The following EXOC6 variants were observed in gnomAD, a reference collection of about 807,000 sequenced individuals.
EXOC6 encodes exocyst complex component 6, also known as SEC15-like 1.
In EXOC6, 60 loss-of-function variants were observed where a neutral mutation model predicts 112.5. The observed-to-expected ratio is 0.53, with a 90% CI of 0.43 to 0.66. EXOC6 has a LOEUF of 0.66. EXOC6 is among the 30% of genes least tolerant of loss of function. The probability of loss-of-function intolerance (pLI) is 0.00; values close to 1 mark genes in which losing one functional copy is unlikely to be tolerated. For synonymous variants in EXOC6, 295 were observed against 308.0 expected (o/e 0.96, Z 0.44); for missense variants, 855 against 957.1 (o/e 0.89, Z 1.41).
intron 19 of EXOC6, among the ~76,000 whole-genome samples, chr10:93,002,142 C>G (rs1017691253): frequency 1.3e-5 from 2 of 152,242 alleles, no homozygotes; most frequent in African/African-American, 2.4e-5. Flanking sequence ...ATTCCTCCCC[C>G]CCTTTTTTGG....
chr10:92,831,532 C>T (rs923002456), upstream of EXOC6, among the ~76,000 whole-genome samples: 9 of 152,114 alleles, frequency 5.9e-5, no homozygotes, highest in Non-Finnish European at 1.2e-4. Flanking sequence ...CTGCCGGGTT[C>T]AAGCAATTCT....
At chr10:92,993,474 A>G (rs1461320221) in intron 18 of EXOC6, among the ~76,000 whole-genome samples, 1 of 152,158 alleles carries the variant, frequency 6.6e-6, no homozygotes, top group Non-Finnish European at 1.5e-5. Flanking sequence ...ACCTTTTTTT[A>G]ATAGACCTTT....
At chr10:93,027,007 A>G (rs748415060) in intron 20 of EXOC6, among the ~76,000 whole-genome samples, 1 of 152,240 alleles carries the variant, frequency 6.6e-6, no homozygotes, top group Non-Finnish European at 1.5e-5. Flanking sequence ...CCAAACAGCC[A>G]AGGTGTGAAT....
chr10:92,863,943 A>G (rs937709442), intron 1 of EXOC6, among the ~76,000 whole-genome samples: 2 of 149,898 alleles, frequency 1.3e-5, no homozygotes, highest in Non-Finnish European at 3.0e-5. Context: ...CAAAAAAACA[A>G]AAAAAAAAGA....
chr10:93,033,750 C>A (rs1845382264), intron 20 of EXOC6, among the ~76,000 whole-genome samples: 3 of 152,076 alleles, frequency 2.0e-5, no homozygotes, highest in Non-Finnish European at 4.4e-5. Flanking sequence ...TCATTTATTT[C>A]TTCAATAAAA....
chr10:93,027,946 GGGTCT>G (rs1268565217), intron 20 of EXOC6, among the ~76,000 whole-genome samples: 2 of 152,124 alleles, frequency 1.3e-5, no homozygotes, highest in African/African-American at 2.4e-5. Context: ...TTCCTCTGAT[GGGTCT>G]GGGCAAAGTC....
At chr10:92,946,228 G>A (rs10882130) in intron 13 of EXOC6, among the ~76,000 whole-genome samples, 47,487 of 151,616 alleles carry the variant, frequency 0.31, 8,182 homozygotes, top group East Asian at 0.74. Flanking sequence ...CCCGGGAGGC[G>A]GAGCTTGCAG....
upstream of EXOC6, among the ~76,000 whole-genome samples, chr10:92,832,285 CT>C (rs796317905): frequency 4.6e-5 from 7 of 151,360 alleles, no homozygotes; most frequent in Non-Finnish European, 1.0e-4. Context: ...GGTGTATACT[CT>C]TTTTTTTTGA....
chr10:92,958,844 C>G (rs1195916863), intron 17 of EXOC6, among the ~76,000 whole-genome samples: 1 of 152,082 alleles, frequency 6.6e-6, no homozygotes, highest in Non-Finnish European at 1.5e-5. Context: ...GCCTGTAATC[C>G]CAGCACTTTG....
intron 1 of EXOC6, among the ~76,000 whole-genome samples, chr10:92,851,673 CA>C (rs796095864): frequency 1.1e-4 from 16 of 143,150 alleles, no homozygotes; most frequent in Non-Finnish European, 1.2e-4. Flanking sequence ...CAAAAACAAA[CA>C]AAAAAAAAAC....
At chr10:92,894,730 G>T in intron 2 of EXOC6, 64 bp from the exon 3 acceptor site, 1 of 1,247,170 alleles carries the variant, frequency 8.0e-7, no homozygotes, top group South Asian at 1.2e-5. Context: ...TTACAAGGGT[G>T]AGCAGTTACA....
intron 12 of EXOC6, among the ~76,000 whole-genome samples, chr10:92,938,781 A>G (rs183060249): frequency 9.2e-5 from 14 of 152,290 alleles, no homozygotes; most frequent in Admixed American, 3.9e-4. Context: ...ACTTACTTGT[A>G]AACGAATAAA....
chr10:92,854,029 A>G (rs1847479643), intron 1 of EXOC6, among the ~76,000 whole-genome samples: 2 of 151,252 alleles, frequency 1.3e-5, no homozygotes, highest in South Asian at 2.1e-4. Flanking sequence ...AAAAAAGGAA[A>G]GAAAGAAAAG....
At chr10:93,027,658 G>A (rs1845088940) in intron 20 of EXOC6, among the ~76,000 whole-genome samples, 2 of 152,190 alleles carry the variant, frequency 1.3e-5, no homozygotes, top group Admixed American at 6.5e-5. Flanking sequence ...CAAAGCCTGG[G>A]TGACAGCACA....
intron 20 of EXOC6, among the ~76,000 whole-genome samples, chr10:93,046,691 G>A (rs554476649): frequency 4.3e-4 from 66 of 151,924 alleles, no homozygotes; most frequent in African/African-American, 1.5e-3. Flanking sequence ...TCTGCCTCCT[G>A]GGTTCAAGCA....
In EXOC6 at chr10:93,036,317, G is replaced by A. The variant is rs181366411; in HGVS notation, c.2170-20607G>A. ...CTCCAGACCTTTGTAGTGTACATTC[G>A]AACATGTATACATGCAGATACTTAC... On this transcript the variant is annotated intron_variant, in intron 20 of 21. Coordinates refer to ENST00000260762, the MANE Select transcript of EXOC6 (RefSeq NM_019053.6). Among the ~76,000 whole-genome samples the A allele has an allele frequency of 5.9e-5, 9 of 151,964 alleles. No homozygotes were observed. The East Asian group carries it at 1.5e-3, about 26-fold the overall frequency.
chr10:92,886,752 G>A (rs1361412942), intron 1 of EXOC6, among the ~76,000 whole-genome samples: 1 of 152,218 alleles, frequency 6.6e-6, no homozygotes, highest in East Asian at 1.9e-4. Flanking sequence ...TAAGCCAGAA[G>A]TATGTCTGGA....
intron 1 of EXOC6, among the ~76,000 whole-genome samples, chr10:92,855,843 T>C (rs538148100): frequency 2.6e-5 from 4 of 152,066 alleles, no homozygotes; most frequent in Non-Finnish European, 5.9e-5. Flanking sequence ...CTCTGTTTTA[T>C]TGATTTTTTT....
intron 8 of EXOC6, among the ~76,000 whole-genome samples, chr10:92,920,364 T>C (rs1851359646): frequency 6.6e-6 from 1 of 152,214 alleles, no homozygotes; most frequent in Non-Finnish European, 1.5e-5. Context: ...ATTGCTCTTA[T>C]TTTTGATTTA....
Sources: gnomAD v4.1 joint callset for allele counts (sites outside exome capture counted in the v4.1 genomes callset) on GRCh38, gnomAD v4.1.1 for gene constraint, MANE v1.5 for transcripts, NCBI Gene and HGNC (gene_info 2026-07-23, HGNC 2026-07-21) for gene names.